Variants in CLYBL observed in about 807,000 individuals in gnomAD.
The protein encoded by CLYBL is citramalyl-CoA lyase.
In CLYBL, 31 loss-of-function variants were observed where a neutral mutation model predicts 38.9. That is an observed-to-expected ratio of 0.80 (90% CI 0.60 to 1.08). The LOEUF (loss-of-function observed/expected upper bound fraction) is 1.08. Ranked by LOEUF, CLYBL falls within the 50% of genes least tolerant of loss-of-function variation. CLYBL has a pLI of 0.00. For synonymous variants in CLYBL, 171 were observed against 158.6 expected, an observed-to-expected ratio of 1.08 and a Z score of -0.59; for missense variants, 434 against 411.6, an observed-to-expected ratio of 1.05 and a Z score of -0.47.
chr13:99,610,965 T>G (rs9300559), intron 1 of CLYBL, among the ~76,000 whole-genome samples: 6,026 of 152,314 alleles, frequency 0.04, 136 homozygotes, highest in Middle Eastern at 0.11. Flanking sequence ...TCAGGTCAAT[T>G]AAAGACAGTT....
chr13:99,758,243 A>G (rs1035122729), intron 1 of CLYBL, among the ~76,000 whole-genome samples: 3 of 152,186 alleles, frequency 2.0e-5, no homozygotes, highest in Non-Finnish European at 4.4e-5. Context: ...GCCTCTTGTT[A>G]TATAAATGGT....
At chr13:99,851,157 C>A (rs1378578414) in intron 2 of CLYBL, among the ~76,000 whole-genome samples, 5 of 151,876 alleles carry the variant, frequency 3.3e-5, no homozygotes, top group African/African-American at 1.2e-4. Flanking sequence ...CACCTGAGGT[C>A]AGGAGTTTGA....
At chr13:99,713,136 T>C (rs913605047) in intron 1 of CLYBL, among the ~76,000 whole-genome samples, 4 of 152,128 alleles carry the variant, frequency 2.6e-5, no homozygotes, top group African/African-American at 9.7e-5. Flanking sequence ...ATCCTTTTTC[T>C]GTAAATTTTT....
intron 7 of CLYBL, among the ~76,000 whole-genome samples, chr13:99,880,072 T>A (rs369895105): frequency 0.04 from 3,093 of 77,646 alleles, 43 homozygotes; most frequent in Non-Finnish European, 0.062. Flanking sequence ...ATATATATTT[T>A]TTTTTTTTTT....
At chr13:99,889,530 G>A (rs2052435318) in intron 7 of CLYBL, among the ~76,000 whole-genome samples, 1 of 152,084 alleles carries the variant, frequency 6.6e-6, no homozygotes, top group South Asian at 2.1e-4. Context: ...ACAATCTAGG[G>A]GTAAAAACAG....
chr13:99,646,718 G>A (rs2047182510), intron 1 of CLYBL, among the ~76,000 whole-genome samples: 1 of 150,102 alleles, frequency 6.7e-6, no homozygotes, highest in Admixed American at 6.6e-5. Flanking sequence ...TAGAGACAGG[G>A]TTTCACCATC....
chr13:99,846,686 C>T (rs1229794000), intron 2 of CLYBL, among the ~76,000 whole-genome samples: 2 of 152,196 alleles, frequency 1.3e-5, no homozygotes, highest in Non-Finnish European at 2.9e-5. Flanking sequence ...TTAGCATTGG[C>T]TCAGTTTGTT....
chr13:99,712,949 G>C (rs896418859), intron 1 of CLYBL, among the ~76,000 whole-genome samples: 3 of 152,118 alleles, frequency 2.0e-5, no homozygotes, highest in Non-Finnish European at 4.4e-5. Flanking sequence ...TCTTCTAGTA[G>C]TTATGTGAAA....
intron 1 of CLYBL, among the ~76,000 whole-genome samples, chr13:99,661,771 T>C (rs1303164810): frequency 6.6e-6 from 1 of 152,218 alleles, no homozygotes; most frequent in Non-Finnish European, 1.5e-5. Context: ...AGGTGGGTCA[T>C]TTGATAGTTT....
At chr13:99,901,433 G>A (rs911858705), downstream of CLYBL, among the ~76,000 whole-genome samples, 1 of 152,032 alleles carries the variant, frequency 6.6e-6, no homozygotes, top group African/African-American at 2.4e-5. Flanking sequence ...AGGACATTCC[G>A]CAATCCTTCC....
chr13:99,801,332 T>G (rs1292445418), intron 2 of CLYBL, among the ~76,000 whole-genome samples: 1 of 152,224 alleles, frequency 6.6e-6, no homozygotes, highest in Non-Finnish European at 1.5e-5. Flanking sequence ...ACATTAATGT[T>G]GAAGTGCAGT....
chr13:99,679,147 A>T (rs909309757), intron 1 of CLYBL, among the ~76,000 whole-genome samples: 1 of 151,980 alleles, frequency 6.6e-6, no homozygotes, highest in Non-Finnish European at 1.5e-5. Context: ...ACAAAAAATT[A>T]GCCGGGTGTG....
At chr13:99,753,892 C>T (rs1443182386) in intron 1 of CLYBL, among the ~76,000 whole-genome samples, 1 of 151,410 alleles carries the variant, frequency 6.6e-6, no homozygotes, top group Non-Finnish European at 1.5e-5. Flanking sequence ...AGTTCGAGAC[C>T]AGCCTGGCCA....
chr13:99,866,174 T>C (rs1308579154), intron 5 of CLYBL, 66 bp from the exon 6 acceptor site: 40 of 1,468,106 alleles, frequency 2.7e-5, no homozygotes, highest in Non-Finnish European at 3.5e-5. Flanking sequence ...TGAGGTTTTA[T>C]AATAAATATC....
rs1195688694 is a variant in CLYBL at position 99,858,928 on chromosome 13, TGA to T, written c.321_322del (p.Arg107SerfsTer35). 8.7e-6 allele frequency: 14 copies of T among 1,614,066 alleles called. No individual in the cohort carries two copies. The highest frequency in any genetic ancestry group is 1.2e-5 in the Non-Finnish European group (14 of 1,179,946). On this transcript the variant is annotated frameshift_variant, in exon 3 of 9. Transcript: ENST00000339105. LOFTEE classifies it high-confidence loss of function. ...GATCTGGGCCCTACTGAAAAATGTG[TGA>T]GAGTCAACTCAGTTTCCAGTGGTCT...
chr13:99,653,324 T>C (rs1041480901), intron 1 of CLYBL, among the ~76,000 whole-genome samples: 2 of 151,666 alleles, frequency 1.3e-5, no homozygotes, highest in Admixed American at 1.3e-4. Context: ...AGGCCACTGC[T>C]AAGGAATCTG....
At chr13:99,632,074 C>T (rs1304644114) in intron 1 of CLYBL, among the ~76,000 whole-genome samples, 1 of 152,080 alleles carries the variant, frequency 6.6e-6, no homozygotes, top group Non-Finnish European at 1.5e-5. Context: ...AAGCCGCAGC[C>T]TTACTGTATT....
At chr13:99,641,205 T>C (rs141773417) in intron 1 of CLYBL, among the ~76,000 whole-genome samples, 66 of 152,348 alleles carry the variant, frequency 4.3e-4, no homozygotes, top group African/African-American at 1.5e-3. Flanking sequence ...TATAAGTTTT[T>C]TGATGATTTT....
intron 2 of CLYBL, among the ~76,000 whole-genome samples, chr13:99,793,405 C>A (rs1296304718): frequency 6.6e-6 from 1 of 152,142 alleles, no homozygotes; most frequent in Non-Finnish European, 1.5e-5. Flanking sequence ...CTTTCTGGAA[C>A]AGTGTGGAAA....
Sources: allele counts gnomAD v4.1 joint callset (sites outside exome capture counted in the v4.1 genomes callset), GRCh38; gene constraint gnomAD v4.1.1; transcripts MANE v1.5; gene names NCBI Gene and HGNC (gene_info 2026-07-23, HGNC 2026-07-21).